CSTF3: variants seen among roughly 807,000 people sequenced by gnomAD.
The protein encoded by CSTF3 is cleavage stimulation factor subunit 3, also known as CF-1 77 kDa subunit.
Under a neutral mutation model 105.8 loss-of-function variants are expected in CSTF3, and 29 were observed. The ratio of observed to expected loss-of-function variants is 0.27; its 90% CI spans 0.20 to 0.37. The LOEUF is 0.37. Ranked by LOEUF, CSTF3 falls within the 10% of genes least tolerant of loss-of-function variation. The probability of loss-of-function intolerance (pLI) is 1.00; values close to 1 mark genes in which losing one functional copy is unlikely to be tolerated. For synonymous variants in CSTF3, 252 were observed against 281.9 expected, an observed-to-expected ratio of 0.89 and a Z score of 1.06; for missense variants, 357 against 879.3, an observed-to-expected ratio of 0.41 and a Z score of 7.51.
intron 1 of CSTF3, among the ~76,000 whole-genome samples, chr11:33,158,249 A>C (rs1416802167): frequency 6.6e-6 from 1 of 152,218 alleles, no homozygotes; most frequent in Non-Finnish European, 1.5e-5. Flanking sequence ...TCAGATGTCT[A>C]AATTGCCTTT....
chr11:33,085,859 AGAGCC>A lies in CSTF3; in HGVS notation c.1890+31_1890+35del, dbSNP rs1330188416. On this transcript the variant is annotated intron_variant, in intron 19 of 20. Transcript: ENST00000323959. ...TTTATACACAATTACTATGACCCAC[AGAGCC>A]AGTATCTACCATGAAAATAAGTGAA... 1.9e-6 allele frequency: 3 copies of A among 1,587,754 alleles called. No individual in the cohort carries two copies. The South Asian group carries it at 3.4e-5, about 18-fold the overall frequency.
intron 13 of CSTF3, among the ~76,000 whole-genome samples, chr11:33,097,627 A>G (rs1322556830): frequency 6.6e-6 from 1 of 152,166 alleles, no homozygotes; most frequent in Non-Finnish European, 1.5e-5. Flanking sequence ...TCGACCTCCC[A>G]AAGTGCTGGG....
In CSTF3 at chr11:33,085,163, T is replaced by G. The variant is rs1254352690; in HGVS notation, c.2078A>C (p.Glu693Ala). 6.2e-7 allele frequency: 1 copy of G among 1,614,208 alleles called. No homozygotes were observed. The highest frequency in any genetic ancestry group is 2.2e-5 in the East Asian group (1 of 44,892). The change falls in exon 21 of 21, where the codon GAA becomes GCA. Residue 693 changes from glutamate to alanine, a missense_variant. Transcript: ENST00000323959. ...AVKRPNEDSD[E>A]DEEKGAVVPP... ...GACAACGGCTCCCTTTTCTTCATCTTCATCTGAATCCTCGTTGGGCCTTTT... is the reference window on the plus strand; with the variant it reads ...GACAACGGCTCCCTTTTCTTCATCTGCATCTGAATCCTCGTTGGGCCTTTT...
chr11:33,089,205 A>G (rs1279947561), intron 17 of CSTF3, among the ~76,000 whole-genome samples: 1 of 152,018 alleles, frequency 6.6e-6, no homozygotes, highest in African/African-American at 2.4e-5. Context: ...CAAATTAGCC[A>G]GATGTGGTGG....
At chr11:33,123,498 T>C (rs1337283901) in intron 3 of CSTF3, among the ~76,000 whole-genome samples, 1 of 152,082 alleles carries the variant, frequency 6.6e-6, no homozygotes, top group Non-Finnish European at 1.5e-5. Context: ...ATCCAGCAAT[T>C]CCATTTCTAG....
At chr11:33,101,079 T>C (rs1294828483) in intron 10 of CSTF3, among the ~76,000 whole-genome samples, 2 of 152,074 alleles carry the variant, frequency 1.3e-5, no homozygotes, top group Non-Finnish European at 2.9e-5. Context: ...CAACACTAGG[T>C]GAGATCCATA....
chr11:33,135,244 AAC>A (rs1420752631), intron 3 of CSTF3, among the ~76,000 whole-genome samples: 1 of 152,192 alleles, frequency 6.6e-6, no homozygotes, highest in East Asian at 1.9e-4. Flanking sequence ...CTGTGAATCT[AAC>A]AGTTACAATA....
At chr11:33,088,587 G>T (rs2133767783) in intron 17 of CSTF3, among the ~76,000 whole-genome samples, 1 of 151,438 alleles carries the variant, frequency 6.6e-6, no homozygotes. Context: ...GCCACTATAA[G>T]ATCTTTCTTT....
chr11:33,110,882 A>T (rs898640122), intron 3 of CSTF3, among the ~76,000 whole-genome samples: 28 of 141,484 alleles, frequency 2.0e-4, no homozygotes, highest in African/African-American at 6.9e-4. Context: ...CTATTCTAAT[A>T]AAAAAAAAAT....
chr11:33,155,308 G>A (rs1283701007), intron 1 of CSTF3, among the ~76,000 whole-genome samples: 2 of 151,118 alleles, frequency 1.3e-5, no homozygotes, highest in Non-Finnish European at 2.9e-5. Context: ...AGCTTGCAGC[G>A]AGCCGTGATT....
rs779541503 is a variant in CSTF3, at chr11:33,087,064, A to G, written c.1719T>C (p.Asp573=). The change falls in exon 18 of 21, where the codon GAT becomes GAC. Residue 573 remains aspartate (D), a synonymous_variant. Transcript: ENST00000323959. ...VAPSIVPVLK[D]EVDRKPEYPK... ...GGTATTCTGGTTTTCTATCCACTTC[A>G]TCTTTCAGAACAGGCACTATAGAAG... The G allele has an allele frequency of 2.4e-5, 38 of 1,614,124 alleles. No homozygotes were observed. The East Asian group carries it at 4.0e-4, about 17-fold the overall frequency.
rs544140350 is a variant in CSTF3 at position 33,088,617 on chromosome 11, T to C, written c.1642-1476A>G. Among the ~76,000 whole-genome samples, 13 of 151,906 alleles carry C rather than the reference T, an allele frequency of 8.6e-5. 1 individual carries two copies. The South Asian group carries it at 2.7e-3, about 32-fold the overall frequency. ...TTCTTTTCTGTTTATTTTTATTTTT[T>C]ATTTTATTTTTTTAAGACAGGGTCT... On this transcript the variant is annotated intron_variant, in intron 17 of 20. Coordinates refer to ENST00000323959, the MANE Select transcript of CSTF3 (RefSeq NM_001326.3).
intron 1 of CSTF3, among the ~76,000 whole-genome samples, chr11:33,155,525 A>T (rs1430755650): frequency 6.6e-6 from 1 of 152,200 alleles, no homozygotes; most frequent in Non-Finnish European, 1.5e-5. Flanking sequence ...ACCGTTTGGA[A>T]CTTAAAAGAT....
In CSTF3 at chr11:33,085,699, C is replaced by A; in HGVS notation, c.1951+14G>T. ...CGTGGAATGACACTCTGAAATGGAGCTTCTGTTACTTACTATTTGGTATCT... is the reference window on the plus strand; with the variant it reads ...CGTGGAATGACACTCTGAAATGGAGATTCTGTTACTTACTATTTGGTATCT... On this transcript the variant is annotated intron_variant, in intron 20 of 20. Transcript: ENST00000323959. The A allele has an allele frequency of 6.3e-7, 1 of 1,599,286 alleles. No individual in the cohort carries two copies. Among genetic ancestry groups the A allele is most frequent in the Non-Finnish European group, 8.6e-7 (1 of 1,167,552 alleles).
At chr11:33,113,894 TA>T (rs920918883) in intron 3 of CSTF3, among the ~76,000 whole-genome samples, 12 of 147,676 alleles carry the variant, frequency 8.1e-5, no homozygotes, top group African/African-American at 1.2e-4. Flanking sequence ...CATCTCTGTT[TA>T]AAAAAAAAAA....
At chr11:33,121,457 T>C (rs1855489125) in intron 3 of CSTF3, among the ~76,000 whole-genome samples, 4 of 152,156 alleles carry the variant, frequency 2.6e-5, no homozygotes, top group Admixed American at 2.0e-4. Flanking sequence ...CGAAAACATA[T>C]CCTATTTTCT....
intron 1 of CSTF3, among the ~76,000 whole-genome samples, chr11:33,152,552 T>C (rs1849801886): frequency 6.6e-6 from 1 of 152,256 alleles, no homozygotes; most frequent in Admixed American, 6.5e-5. Context: ...CCGTCTGTTA[T>C]GTGAAGCTAA....
intron 8 of CSTF3, among the ~76,000 whole-genome samples, 197 bp downstream of exon 8, chr11:33,105,370 A>G (rs1855316872): frequency 2.0e-5 from 3 of 152,354 alleles, no homozygotes; most frequent in Admixed American, 6.5e-5. Context: ...TATAAGAACT[A>G]TTGTTCTTCA....
At chr11:33,110,283 C>T (rs1855366843) in intron 3 of CSTF3, among the ~76,000 whole-genome samples, 1 of 152,178 alleles carries the variant, frequency 6.6e-6, no homozygotes, top group Non-Finnish European at 1.5e-5. Context: ...TGCTAGCCCT[C>T]TGCCAAGAAA....
Sources: allele counts gnomAD v4.1 joint callset (sites outside exome capture counted in the v4.1 genomes callset), GRCh38; gene constraint gnomAD v4.1.1; transcripts MANE v1.5; gene names NCBI Gene and HGNC (gene_info 2026-07-23, HGNC 2026-07-21).